The following BLTP3B variants were observed in gnomAD, a reference collection of about 807,000 sequenced individuals.
BLTP3B encodes the protein bridge-like lipid transfer protein family member 3B.
chr12:100,142,841 C>T, the BLTP3B span: 3 of 660,364 alleles, frequency 4.5e-6, no homozygotes, highest in South Asian at 4.1e-5. Context: ...CCGCCGCGGG[C>T]GCCATCTTGG....
At chr12:100,084,651 A>G in the BLTP3B span, 1 of 1,613,314 alleles carries the variant, frequency 6.2e-7, no homozygotes, top group Non-Finnish European at 8.5e-7. Flanking sequence ...AATGATTACA[A>G]CTATCTCCTG....
At chr12:100,080,922 G>C in the BLTP3B span, among the ~76,000 whole-genome samples, 1 of 152,218 alleles carries the variant, frequency 6.6e-6, no homozygotes, top group Non-Finnish European at 1.5e-5. Context: ...CTGGTGGAAG[G>C]TGACTGAATT....
the BLTP3B span, among the ~76,000 whole-genome samples, chr12:100,061,069 T>G: frequency 6.6e-6 from 1 of 152,236 alleles, no homozygotes. Context: ...GTTCGTAGTT[T>G]ATTACATGAG....
the BLTP3B span, chr12:100,059,545 GA>G: frequency 6.4e-7 from 1 of 1,564,032 alleles, no homozygotes; most frequent in East Asian, 2.2e-5. Flanking sequence ...TAGAAGAGAA[GA>G]AAAATTAATC....
the BLTP3B span, among the ~76,000 whole-genome samples, chr12:100,041,340 A>T: frequency 6.6e-6 from 1 of 151,328 alleles, no homozygotes; most frequent in East Asian, 1.9e-4. Flanking sequence ...TAAACATCCC[A>T]CATCTAATAT....
At chr12:100,131,975 A>G in the BLTP3B span, among the ~76,000 whole-genome samples, 2 of 152,128 alleles carry the variant, frequency 1.3e-5, no homozygotes, top group Non-Finnish European at 2.9e-5. Flanking sequence ...ATTTTTAAGT[A>G]GAGATGGGGT....
chr12:100,070,175 A>T, the BLTP3B span: 14 of 1,561,570 alleles, frequency 9.0e-6, no homozygotes, highest in African/African-American at 1.9e-4. Context: ...GGCAGCTGAG[A>T]GAAACAAATG....
chr12:100,068,103 A>G, the BLTP3B span, among the ~76,000 whole-genome samples: 1 of 152,222 alleles, frequency 6.6e-6, no homozygotes, highest in African/African-American at 2.4e-5. Flanking sequence ...AAACTATACT[A>G]TAAGGCCATA....
the BLTP3B span, among the ~76,000 whole-genome samples, chr12:100,139,100 G>C: frequency 0.36 from 54,112 of 151,950 alleles, 12,829 homozygotes; most frequent in African/African-American, 0.68. Flanking sequence ...ACTACTCTAA[G>C]CTCCCCCATC....
chr12:100,131,136 T>C, the BLTP3B span, among the ~76,000 whole-genome samples: 1 of 151,174 alleles, frequency 6.6e-6, no homozygotes, highest in South Asian at 2.1e-4. Context: ...CATGGCAAAA[T>C]CCCATCTCTA....
At chr12:100,050,105 T>C in the BLTP3B span, 8 of 1,329,792 alleles carry the variant, frequency 6.0e-6, no homozygotes, top group South Asian at 1.4e-4. Flanking sequence ...TGGTGAGACA[T>C]ATATAAAAGT....
chr12:100,125,119 G>A, the BLTP3B span, among the ~76,000 whole-genome samples: 1 of 149,112 alleles, frequency 6.7e-6, no homozygotes, highest in Non-Finnish European at 1.5e-5. Context: ...ATCATCCGAG[G>A]TCAGGAGTTC....
the BLTP3B span, among the ~76,000 whole-genome samples, chr12:100,111,194 C>T: frequency 3.3e-5 from 5 of 150,780 alleles, no homozygotes; most frequent in African/African-American, 9.8e-5. Context: ...AAATTCAAGT[C>T]ACAAAATTAT....
chr12:100,112,883 T>C, the BLTP3B span, among the ~76,000 whole-genome samples: 2 of 143,028 alleles, frequency 1.4e-5, no homozygotes, highest in African/African-American at 5.2e-5. Flanking sequence ...AAAAAGAATC[T>C]CAGCTTGCTA....
the BLTP3B span, among the ~76,000 whole-genome samples, chr12:100,049,942 C>T: frequency 6.6e-5 from 10 of 152,190 alleles, no homozygotes; most frequent in Non-Finnish European, 1.5e-4. Flanking sequence ...TTTTCTTCAT[C>T]AAAATCACTC....
the BLTP3B span, chr12:100,048,018 A>C: frequency 6.2e-7 from 1 of 1,606,838 alleles, no homozygotes; most frequent in Admixed American, 1.7e-5. Flanking sequence ...CTTCCAAAAA[A>C]TGTTGAATAT....
chr12:100,061,158 G>T, the BLTP3B span, among the ~76,000 whole-genome samples: 1 of 152,138 alleles, frequency 6.6e-6, no homozygotes, highest in Non-Finnish European at 1.5e-5. Flanking sequence ...CTGCCTTTTG[G>T]GAATAGAAAT....
At chr12:100,136,933 T>C in the BLTP3B span, among the ~76,000 whole-genome samples, 2 of 152,142 alleles carry the variant, frequency 1.3e-5, no homozygotes, top group Admixed American at 1.3e-4. Context: ...TGTCTCAGCC[T>C]CCCGAGTAGC....
At chr12:100,127,685 A>G in the BLTP3B span, among the ~76,000 whole-genome samples, 2 of 152,188 alleles carry the variant, frequency 1.3e-5, no homozygotes, top group Non-Finnish European at 2.9e-5. Flanking sequence ...AGGAGAGGGT[A>G]GAAGAGAATG....
Sources: gnomAD v4.1 joint callset for allele counts (sites outside exome capture counted in the v4.1 genomes callset) on GRCh38, gnomAD v4.1.1 for gene constraint, MANE v1.5 for transcripts, NCBI Gene and HGNC (gene_info 2026-07-23, HGNC 2026-07-21) for gene names.